LRRC37A: variants seen among roughly 807,000 people sequenced by gnomAD.
The protein encoded by LRRC37A is leucine rich repeat containing 37A.
Under a neutral mutation model 35.4 loss-of-function variants are expected in LRRC37A, and 3 were observed. That is an observed-to-expected ratio of 0.08 (90% confidence interval 0.04 to 0.22). The LOEUF (loss-of-function observed/expected upper bound fraction) is 0.22. LRRC37A is among the 10% of genes least tolerant of loss of function. LRRC37A has a pLI of 1.00. For synonymous variants in LRRC37A, 23 were observed against 215.0 expected (o/e 0.11, Z 7.81); for missense variants, 67 against 565.3 (o/e 0.12, Z 8.94).
chr17:46,316,905 T>A (rs541430421), intron 5 of LRRC37A, among the ~76,000 whole-genome samples: 1 of 101,172 alleles, frequency 9.9e-6, no homozygotes, highest in African/African-American at 3.2e-5. Flanking sequence ...ACACAGCACA[T>A]GTTTCAGAGA....
chr17:46,285,545 TTCTG>T, the LRRC37A span, among the ~76,000 whole-genome samples: 3 of 152,216 alleles, frequency 2.0e-5, no homozygotes, highest in African/African-American at 7.2e-5. Flanking sequence ...CCAGCCACCT[TTCTG>T]TCTTTCATAA....
the LRRC37A span, chr17:46,259,665 A>G: frequency 6.2e-7 from 1 of 1,609,264 alleles, no homozygotes; most frequent in Non-Finnish European, 8.5e-7. Flanking sequence ...CCTCATGCCC[A>G]TCCCGGCCAT....
At chr17:46,268,585 A>G in the LRRC37A span, 12 of 1,538,430 alleles carry the variant, frequency 7.8e-6, no homozygotes, top group Non-Finnish European at 9.6e-6. Context: ...CTGAGAGGCC[A>G]TCTCTGTCCA....
the LRRC37A span, among the ~76,000 whole-genome samples, chr17:46,261,349 A>T: frequency 6.6e-6 from 1 of 152,242 alleles, no homozygotes; most frequent in Non-Finnish European, 1.5e-5. Context: ...TGGTATGTGA[A>T]TACCAGAAAG....
At chr17:46,274,456 G>T in the LRRC37A span, among the ~76,000 whole-genome samples, 1 of 152,204 alleles carries the variant, frequency 6.6e-6, no homozygotes, top group Non-Finnish European at 1.5e-5. Context: ...TTGTTGATTC[G>T]CAGTTGTGTG....
At chr17:46,254,415 C>A in the LRRC37A span, among the ~76,000 whole-genome samples, 8 of 151,830 alleles carry the variant, frequency 5.3e-5, no homozygotes, top group Non-Finnish European at 1.2e-4. Context: ...ATTTATTTAT[C>A]TATCTATTTA....
chr17:46,333,119 A>T (rs1440094739), intron 10 of LRRC37A, among the ~76,000 whole-genome samples: 1 of 120,110 alleles, frequency 8.3e-6, no homozygotes, highest in Non-Finnish European at 1.9e-5. Flanking sequence ...AGATTTACAC[A>T]GTATCATCCT....
chr17:46,264,045 C>T, the LRRC37A span, among the ~76,000 whole-genome samples: 1 of 151,692 alleles, frequency 6.6e-6, no homozygotes, highest in Non-Finnish European at 1.5e-5. Flanking sequence ...AATAATGAAC[C>T]GACAAAATAA....
the LRRC37A span, among the ~76,000 whole-genome samples, chr17:46,265,542 G>A: frequency 4.6e-5 from 7 of 151,138 alleles, no homozygotes; most frequent in Non-Finnish European, 8.8e-5. Context: ...GCAGTGGCAC[G>A]ATCTCGGCTC....
the LRRC37A span, among the ~76,000 whole-genome samples, chr17:46,264,240 A>C: frequency 6.6e-6 from 1 of 151,262 alleles, no homozygotes; most frequent in African/African-American, 2.4e-5. Context: ...CTGGAATTAC[A>C]TGTGTGAGCC....
chr17:46,276,613 T>C, the LRRC37A span, among the ~76,000 whole-genome samples: 1 of 152,170 alleles, frequency 6.6e-6, no homozygotes, highest in Non-Finnish European at 1.5e-5. Flanking sequence ...GATCATAAAT[T>C]ACAATGGGAA....
At chr17:46,257,664 A>AC in the LRRC37A span, among the ~76,000 whole-genome samples, 2 of 151,480 alleles carry the variant, frequency 1.3e-5, no homozygotes, top group Non-Finnish European at 2.9e-5. Context: ...AAAAAAAAAA[A>AC]AAAACACCAA....
chr17:46,253,203 G>A, the LRRC37A span, among the ~76,000 whole-genome samples: 1 of 147,088 alleles, frequency 6.8e-6, no homozygotes, highest in Non-Finnish European at 1.5e-5. Flanking sequence ...CGGCGGGGCA[G>A]AGGCGCTCCC....
the LRRC37A span, among the ~76,000 whole-genome samples, chr17:46,250,451 C>A: frequency 2.0e-5 from 3 of 152,214 alleles, no homozygotes; most frequent in African/African-American, 7.2e-5. Context: ...GAAAGGCAGA[C>A]CCACCCTTAA....
At chr17:46,270,106 T>C in the LRRC37A span, among the ~76,000 whole-genome samples, 8 of 152,228 alleles carry the variant, frequency 5.3e-5, no homozygotes, top group African/African-American at 1.7e-4. Context: ...ACACCACTAA[T>C]GCATAGATGA....
the LRRC37A span, among the ~76,000 whole-genome samples, chr17:46,280,065 C>G: frequency 0.11 from 16,783 of 149,336 alleles, no homozygotes; most frequent in Non-Finnish European, 0.17. Context: ...CTCTTGTTTT[C>G]TGAACCCAAA....
chr17:46,278,508 G>A, the LRRC37A span, among the ~76,000 whole-genome samples: 5 of 151,348 alleles, frequency 3.3e-5, no homozygotes, highest in Admixed American at 6.6e-5. Flanking sequence ...GGGTTCAAGC[G>A]ATTTTCCACC....
the LRRC37A span, among the ~76,000 whole-genome samples, chr17:46,283,053 A>C: frequency 1.3e-3 from 192 of 152,238 alleles, no homozygotes; most frequent in Non-Finnish European, 2.2e-3. Flanking sequence ...TGGGAGGCAG[A>C]GGTTGTATTG....
At chr17:46,265,040 G>A in the LRRC37A span, among the ~76,000 whole-genome samples, 2 of 152,250 alleles carry the variant, frequency 1.3e-5, no homozygotes, top group South Asian at 4.1e-4. Context: ...GTGTTTATAT[G>A]ACTAGTGTTT....
Sources: gnomAD v4.1 joint callset for allele counts (sites outside exome capture counted in the v4.1 genomes callset) on GRCh38, gnomAD v4.1.1 for gene constraint, MANE v1.5 for transcripts, NCBI Gene and HGNC (gene_info 2026-07-23, HGNC 2026-07-21) for gene names.